SLCO1A2: variants seen among roughly 807,000 people sequenced by gnomAD.
SLCO1A2 encodes the protein solute carrier organic anion transporter family member 1A2.
Under a neutral mutation model 69.0 loss-of-function variants are expected in SLCO1A2, and 67 were observed. The observed-to-expected ratio is 0.97, with a 90% CI of 0.80 to 1.19. The LOEUF is 1.19. Ranked by LOEUF, SLCO1A2 falls within the 50% of genes most tolerant of loss-of-function variation. The probability of loss-of-function intolerance (pLI) is 0.00; values close to 1 mark genes in which losing one functional copy is unlikely to be tolerated. For synonymous variants in SLCO1A2, 260 were observed against 265.9 expected (o/e 0.98, Z 0.22); for missense variants, 787 against 793.7 (o/e 0.99, Z 0.10).
Position 21,268,009 on chromosome 12 carries a change from A to C in SLCO1A2, c.*1539T>G, listed in dbSNP as rs182636650. 6.6e-6 allele frequency: 1 copy of C among 152,200 alleles called. No individual in the cohort carries two copies. The highest frequency in any genetic ancestry group is 1.9e-4 in the East Asian group (1 of 5,178). The allele number at this position is 152,200 out of a possible 1,614,324, so 9.4% of individuals were successfully genotyped here. On this transcript the variant is annotated 3_prime_UTR_variant, in exon 15 of 15. Transcript: ENST00000683939. Reference sequence around the variant, plus strand: ...TTTATATGCCCAGAGTTGAAGTCTCAAACTTCATGAAACTGAAACTTAACT... The same window carrying C: ...TTTATATGCCCAGAGTTGAAGTCTCCAACTTCATGAAACTGAAACTTAACT...
intron 12 of SLCO1A2, among the ~76,000 whole-genome samples, chr12:21,283,183 A>G (rs188620625): frequency 2.6e-3 from 397 of 152,320 alleles, no homozygotes; most frequent in Admixed American, 3.7e-3. Context: ...ACAGACCTAT[A>G]GTAACCAAAA....
chr12:21,348,633 A>T (rs1937686386), intron 2 of SLCO1A2, among the ~76,000 whole-genome samples: 1 of 152,084 alleles, frequency 6.6e-6, no homozygotes, highest in Admixed American at 6.5e-5. Context: ...CTTCTATAAC[A>T]CCACATTCTG....
At chr12:21,336,609 C>T (rs1463536408), upstream of SLCO1A2, among the ~76,000 whole-genome samples, 1 of 152,004 alleles carries the variant, frequency 6.6e-6, no homozygotes, top group East Asian at 1.9e-4. Context: ...TTTTCAGATA[C>T]ATTTCAAACA....
intron 14 of SLCO1A2, among the ~76,000 whole-genome samples, chr12:21,273,371 C>CTCTCAGTGTCCCTGCTAA (rs1280194651): frequency 2.0e-5 from 3 of 152,114 alleles, no homozygotes; most frequent in African/African-American, 7.2e-5. Flanking sequence ...AGAAAAAATG[C>CTCTCAGTGTCCCTGCTAA]TCTCAGTGTC....
chr12:21,358,746 G>T (rs1938575357), intron 2 of SLCO1A2, among the ~76,000 whole-genome samples: 1 of 136,388 alleles, frequency 7.3e-6, no homozygotes, highest in Non-Finnish European at 1.6e-5. Context: ...AAAGCGGTTT[G>T]TTGGAGATAC....
At chr12:21,357,714 GTTTA>G (rs546292748) in intron 2 of SLCO1A2, among the ~76,000 whole-genome samples, 9 of 151,566 alleles carry the variant, frequency 5.9e-5, no homozygotes, top group Non-Finnish European at 1.3e-4. Context: ...TTGTTTCTGT[GTTTA>G]TTTTTTTTGT....
At chr12:21,359,002 C>T (rs2137038549) in intron 2 of SLCO1A2, among the ~76,000 whole-genome samples, 1 of 152,282 alleles carries the variant, frequency 6.6e-6, no homozygotes, top group East Asian at 1.9e-4. Context: ...AATGACTTAT[C>T]TTCAGAATCC....
At chr12:21,419,044 A>T (rs9788091), upstream of SLCO1A2, 1 of 151,900 alleles carries the variant, frequency 6.6e-6, no homozygotes, top group Non-Finnish European at 1.5e-5. Flanking sequence ...TGAGGCTAAT[A>T]ATTCAGGATA....
chr12:21,393,474 C>A (rs1941262208), intron 1 of SLCO1A2, among the ~76,000 whole-genome samples: 1 of 152,084 alleles, frequency 6.6e-6, no homozygotes. Context: ...ATAAAATTCT[C>A]AAAAATATTT....
chr12:21,341,675 G>C (rs991387202), intron 2 of SLCO1A2, among the ~76,000 whole-genome samples: 8 of 152,020 alleles, frequency 5.3e-5, no homozygotes, highest in Non-Finnish European at 1.2e-4. Context: ...GTTAGAGCTA[G>C]GACGCATCCA....
chr12:21,371,219 T>C (rs1344674704), intron 2 of SLCO1A2, among the ~76,000 whole-genome samples: 1 of 152,138 alleles, frequency 6.6e-6, no homozygotes, highest in Non-Finnish European at 1.5e-5. Flanking sequence ...TAAACTGACA[T>C]GGCACACTAG....
chr12:21,290,855 C>T (rs1359844658), intron 12 of SLCO1A2, among the ~76,000 whole-genome samples: 1 of 151,974 alleles, frequency 6.6e-6, no homozygotes, highest in African/African-American at 2.4e-5. Context: ...ATAAATGGCA[C>T]TGTAAAAGTT....
chr12:21,354,605 A>T (rs1363285790), intron 2 of SLCO1A2, among the ~76,000 whole-genome samples: 1 of 152,178 alleles, frequency 6.6e-6, no homozygotes, highest in African/African-American at 2.4e-5. Context: ...GTTGTTCAGG[A>T]CTGTCCTGCT....
intron 3 of SLCO1A2, among the ~76,000 whole-genome samples, chr12:21,317,370 C>A (rs1352787336): frequency 6.6e-6 from 1 of 152,098 alleles, no homozygotes; most frequent in African/African-American, 2.4e-5. Flanking sequence ...TGCACTGCAT[C>A]CTTCTTAGGC....
In SLCO1A2 at chr12:21,274,554, A is replaced by C; in HGVS notation, c.1708T>G (p.Leu570Val). 1.2e-6 allele frequency: 2 copies of C among 1,613,594 alleles called. No individual in the cohort carries two copies. Among genetic ancestry groups the C allele is most frequent in the East Asian group, 2.2e-5 (1 of 44,842 alleles). ...CAGTGTAAACATGTGGAATCCATTA[A>C]AGCGCCAAAATATATAGGTGCAGGA... is the stretch of plus-strand genomic sequence containing the variant. ...GIPAPIYFGA[L>V]MDSTCLHWGT... Residue 570 changes from leucine to valine, a missense_variant, in exon 14 of 15, where the codon TTA becomes GTA. Physicochemically the swap from Leu to Val is conservative, Grantham distance 32 (BLOSUM62 1). Transcript: ENST00000683939.
At chr12:21,310,346 C>T (rs1211351057) in intron 4 of SLCO1A2, among the ~76,000 whole-genome samples, 2 of 151,992 alleles carry the variant, frequency 1.3e-5, no homozygotes, top group African/African-American at 4.9e-5. Context: ...GTCTGAAACA[C>T]AATGTACACA....
chr12:21,383,208 C>T (rs551728352), intron 1 of SLCO1A2, among the ~76,000 whole-genome samples: 4 of 152,116 alleles, frequency 2.6e-5, no homozygotes, highest in African/African-American at 9.6e-5. Context: ...TAAATATTTC[C>T]AACACTGAAA....
Position 21,381,740 on chromosome 12 carries a change from G to C in SLCO1A2, c.-189-7215C>G, listed in dbSNP as rs111484822. Among the ~76,000 whole-genome samples the C allele has an allele frequency of 4.6e-5, 7 of 152,286 alleles. 1 individual carries two copies. The highest frequency in any genetic ancestry group is 1.7e-4 in the African/African-American group (7 of 41,562). The stretch of plus-strand genomic sequence containing the variant: ...GAACCCGGGAGGCAGAGGTTGCAGT[G>C]AGCCAAGATCATGCCACTGCACTCC... On this transcript the variant is annotated intron_variant, in intron 1 of 15. Coordinates refer to the SLCO1A2 transcript ENST00000307378.
chr12:21,398,051 C>CAA (rs1328480847), upstream of SLCO1A2, among the ~76,000 whole-genome samples: 2 of 125,264 alleles, frequency 1.6e-5, no homozygotes, highest in African/African-American at 5.9e-5. Flanking sequence ...AATAGAGACA[C>CAA]AAAAAACCCT....
Sources: allele counts gnomAD v4.1 joint callset (sites outside exome capture counted in the v4.1 genomes callset), GRCh38; gene constraint gnomAD v4.1.1; transcripts MANE v1.5; gene names NCBI Gene and HGNC (gene_info 2026-07-23, HGNC 2026-07-21).